The following RUVBL1 variants were observed in gnomAD, a reference collection of about 807,000 sequenced individuals.
RUVBL1 encodes the protein ruvB-like 1.
RUVBL1 carries 4 observed loss-of-function variants against 52.4 expected under a neutral mutation model. The observed-to-expected ratio is 0.08, with a 90% CI of 0.04 to 0.17. The LOEUF (loss-of-function observed/expected upper bound fraction) is 0.17. RUVBL1 is among the 10% of genes least tolerant of loss of function. The probability of loss-of-function intolerance (pLI) is 1.00; values close to 1 mark genes in which losing one functional copy is unlikely to be tolerated. For missense variants in RUVBL1, 298 were observed against 572.8 expected (o/e 0.52, Z 4.90); for synonymous variants, 217 against 214.4 (o/e 1.01, Z -0.10).
chr3:128,100,502 G>A (rs1943087018), intron 6 of RUVBL1, 93 bp downstream of exon 6: 1 of 1,457,458 alleles, frequency 6.9e-7, no homozygotes, highest in African/African-American at 1.4e-5. Flanking sequence ...TCTACCTCAA[G>A]AAAGGCAGCA....
At position 128,140,228 on chromosome 3, in the gene RUVBL1, G is replaced by GTTTTTTTT. The variant is rs372296453; in HGVS notation, c.-40+12974_-40+12975insAAAAAAAA. Among the ~76,000 whole-genome samples, 5 of 53,448 alleles carry GTTTTTTTT rather than the reference G, an allele frequency of 9.4e-5. 1 individual carries two copies. The highest frequency in any genetic ancestry group is 1.8e-4 in the African/African-American group (4 of 21,634). The allele number at this position is 53,448 out of a possible 152,430, so 35.1% of individuals were successfully genotyped here. Reference sequence around the variant, plus strand: ...TGATATGATACAAGTTTTTTTGTTTGTTTGTTTTTTTTTTTTTTGAGACGG... The same window carrying GTTTTTTTT: ...TGATATGATACAAGTTTTTTTGTTTGTTTTTTTTTTTGTTTTTTTTTTTTTTGAGACGG... On this transcript the variant is annotated intron_variant, in intron 1 of 9. Coordinates refer to the RUVBL1 transcript ENST00000464873.
chr3:128,113,948 A>C (rs1943457041), intron 2 of RUVBL1, among the ~76,000 whole-genome samples: 1 of 152,266 alleles, frequency 6.6e-6, no homozygotes, highest in Non-Finnish European at 1.5e-5. Context: ...AGAGTGAAGA[A>C]GGATACCTCA....
At chr3:128,103,823 T>G (rs900909001) in intron 4 of RUVBL1, among the ~76,000 whole-genome samples, 8 of 152,140 alleles carry the variant, frequency 5.3e-5, no homozygotes, top group African/African-American at 1.9e-4. Context: ...TGAATGACAA[T>G]AAATGTTTGT....
downstream of RUVBL1, among the ~76,000 whole-genome samples, chr3:128,080,757 G>A (rs560529013): frequency 2.0e-5 from 3 of 152,178 alleles, no homozygotes; most frequent in Non-Finnish European, 4.4e-5. Flanking sequence ...GTTGTAATGG[G>A]TTATCCTGGA....
chr3:128,151,442 G>A (rs916802347), intron 1 of RUVBL1, among the ~76,000 whole-genome samples: 3 of 151,512 alleles, frequency 2.0e-5, no homozygotes, highest in African/African-American at 7.3e-5. Context: ...TTGAAGCCAG[G>A]CCCTGTACAA....
intron 2 of RUVBL1, among the ~76,000 whole-genome samples, chr3:128,115,418 A>C (rs1943499963): frequency 2.0e-5 from 3 of 152,226 alleles, no homozygotes; most frequent in Admixed American, 6.5e-5. Context: ...GGTCCTCAAG[A>C]GTGGAAATGC....
chr3:128,093,063 G>A (rs770138593), intron 8 of RUVBL1, among the ~76,000 whole-genome samples: 5 of 152,052 alleles, frequency 3.3e-5, no homozygotes, highest in Non-Finnish European at 7.4e-5. Context: ...GTACACAAAT[G>A]TTCAGAGCAC....
intron 1 of RUVBL1, 73 bp from the exon 2 acceptor site, chr3:128,119,487 G>C (rs1301423487): frequency 3.2e-6 from 4 of 1,251,112 alleles, no homozygotes. Flanking sequence ...CTCAGTCCCT[G>C]GCCTACACAA....
intron 1 of RUVBL1, among the ~76,000 whole-genome samples, chr3:128,133,180 G>A (rs900524155): frequency 2.0e-5 from 3 of 152,170 alleles, no homozygotes; most frequent in African/African-American, 7.2e-5. Flanking sequence ...GGGAAGAGTG[G>A]AAAGGACTTT....
intron 1 of RUVBL1, among the ~76,000 whole-genome samples, chr3:128,152,855 G>C (rs1944248837): frequency 9.4e-6 from 1 of 106,904 alleles, no homozygotes; most frequent in African/African-American, 3.6e-5. Context: ...CTGCTGGCGG[G>C]GGTGGCCAGC....
Position 128,140,182 on chromosome 3 carries a change from T to A in RUVBL1, c.-40+13021A>T, listed in dbSNP as rs1019543807. ...ACTATGTACCCATATAATTAAAAAATTTTTAAAAACTTCCTCAATATGATA... is the reference window on the plus strand; with the variant it reads ...ACTATGTACCCATATAATTAAAAAAATTTTAAAAACTTCCTCAATATGATA... On this transcript the variant is annotated intron_variant, in intron 1 of 9. Transcript: ENST00000464873. Among the ~76,000 whole-genome samples, 11 of 150,348 alleles carry A rather than the reference T, an allele frequency of 7.3e-5. No individual in the cohort carries two copies. The South Asian group carries it at 8.5e-4, about 12-fold the overall frequency.
intron 8 of RUVBL1, among the ~76,000 whole-genome samples, chr3:128,090,124 T>C (rs977932223): frequency 5.9e-5 from 9 of 152,146 alleles, no homozygotes; most frequent in Non-Finnish European, 1.2e-4. Context: ...ATGAATTGTA[T>C]GCTTAAAAAT....
At chr3:128,125,873 A>G (rs1025059068), upstream of RUVBL1, among the ~76,000 whole-genome samples, 2 of 152,238 alleles carry the variant, frequency 1.3e-5, no homozygotes, top group Non-Finnish European at 1.5e-5. Flanking sequence ...TCCACCAACT[A>G]GTAGTCAAAG....
chr3:128,152,888 T>TCCTA (rs1464532305), intron 1 of RUVBL1, among the ~76,000 whole-genome samples: 38 of 21,450 alleles, frequency 1.8e-3, no homozygotes, highest in South Asian at 4.5e-3. Context: ...ATTTGCCCCC[T>TCCTA]CCCCCACGTC....
rs1014750775 is a variant in RUVBL1, at chr3:128,114,200, G to A, written c.229-1180C>T. ...ATCTTTCCTCAACTCTGAAACAGGA[G>A]CACGAGTAAGGCCAGCTCCCCAGGT... On this transcript the variant is annotated intron_variant, in intron 2 of 10. Coordinates refer to ENST00000322623, the MANE Select transcript of RUVBL1 (RefSeq NM_003707.3). 1.1e-4 allele frequency among the ~76,000 whole-genome samples: 17 copies of A among 152,296 alleles called. No homozygotes were observed. In the South Asian group the frequency reaches 1.7e-3, roughly 15 times the overall value.
intron 1 of RUVBL1, 145 bp downstream of exon 1, chr3:128,123,439 C>A: frequency 9.4e-7 from 1 of 1,062,386 alleles, no homozygotes; most frequent in Non-Finnish European, 1.3e-6. Flanking sequence ...CCTCCCCGAG[C>A]CCCTGGCCCA....
intron 1 of RUVBL1, among the ~76,000 whole-genome samples, chr3:128,140,233 T>TTG (rs1944001755): frequency 6.7e-5 from 1 of 14,974 alleles, no homozygotes; most frequent in Admixed American, 1.3e-3. Flanking sequence ...TGTTTGTTTG[T>TTG]TTTTTTTTTT....
At chr3:128,109,215 T>C (rs1429281514) in intron 3 of RUVBL1, among the ~76,000 whole-genome samples, 1 of 152,162 alleles carries the variant, frequency 6.6e-6, no homozygotes, top group African/African-American at 2.4e-5. Flanking sequence ...ATTAATGTTT[T>C]ACATCCTTCT....
chr3:128,069,432 G>T, intron 9 of RUVBL1: 1 of 1,577,412 alleles, frequency 6.3e-7, no homozygotes. Context: ...GGCTCACGGG[G>T]AGCTCTGTGG....
Sources: gnomAD v4.1 joint callset for allele counts (sites outside exome capture counted in the v4.1 genomes callset) on GRCh38, gnomAD v4.1.1 for gene constraint, MANE v1.5 for transcripts, NCBI Gene and HGNC (gene_info 2026-07-23, HGNC 2026-07-21) for gene names.